LIN28B: variants seen among roughly 807,000 people sequenced by gnomAD.
LIN28B encodes the protein lin-28 RNA binding posttranscriptional regulator B.
In LIN28B, 5 loss-of-function variants were observed where a neutral mutation model predicts 21.9. The observed-to-expected ratio is 0.23, with a 90% CI of 0.12 to 0.48. The LOEUF (loss-of-function observed/expected upper bound fraction) is 0.48. LIN28B is among the 20% of genes least tolerant of loss of function. The pLI, the probability that LIN28B is intolerant of heterozygous loss-of-function variation, is 0.98. For synonymous variants in LIN28B, 109 were observed against 111.3 expected, an observed-to-expected ratio of 0.98 and a Z score of 0.13; for missense variants, 245 against 310.5, an observed-to-expected ratio of 0.79 and a Z score of 1.58.
intron 2 of LIN28B, among the ~76,000 whole-genome samples, chr6:105,001,672 G>A (rs1770723851): frequency 6.6e-6 from 1 of 152,054 alleles, no homozygotes. Context: ...AAATGAGTAG[G>A]GAAGACAAGG....
chr6:104,953,530 G>T (rs1778247053), upstream of LIN28B, among the ~76,000 whole-genome samples: 1 of 152,342 alleles, frequency 6.6e-6, no homozygotes, highest in African/African-American at 2.4e-5. Context: ...GGGACAAGAT[G>T]ACAAATGTAA....
At chr6:104,956,288 AT>A (rs1441649890), upstream of LIN28B, among the ~76,000 whole-genome samples, 1 of 151,870 alleles carries the variant, frequency 6.6e-6, no homozygotes, top group Non-Finnish European at 1.5e-5. Context: ...ATCGCCACTG[AT>A]TGAGGTTCAC....
At chr6:104,969,921 A>G (rs1289912815) in intron 2 of LIN28B, among the ~76,000 whole-genome samples, 1 of 152,182 alleles carries the variant, frequency 6.6e-6, no homozygotes, top group East Asian at 1.9e-4. Context: ...AACACAAAAC[A>G]CTTTGTTCTT....
intron 2 of LIN28B, among the ~76,000 whole-genome samples, chr6:104,989,576 G>GTTTTT (rs34394074): frequency 2.5e-4 from 15 of 60,566 alleles, no homozygotes; most frequent in East Asian, 2.4e-3. Context: ...TTTTACTTGG[G>GTTTTT]TTTTTTTTTT....
chr6:105,006,772 A>T (rs552228553), intron 2 of LIN28B, among the ~76,000 whole-genome samples: 19 of 152,342 alleles, frequency 1.2e-4, no homozygotes, highest in Admixed American at 5.2e-4. Flanking sequence ...ACTTGCTTCC[A>T]TAAGTTTTGA....
intron 3 of LIN28B, among the ~76,000 whole-genome samples, chr6:105,028,059 C>A (rs143925713): frequency 3.4e-4 from 52 of 152,286 alleles, no homozygotes; most frequent in African/African-American, 1.2e-3. Context: ...TACCTGCATA[C>A]ATACTTAAAT....
chr6:105,029,926 G>A lies in LIN28B; in HGVS notation c.383+3444G>A, dbSNP rs116116780. Among the ~76,000 whole-genome samples the A allele has an allele frequency of 7.0e-3, 1,061 of 152,266 alleles. 10 individuals are homozygous for A. The highest frequency in any genetic ancestry group is 0.024 in the African/African-American group (979 of 41,548). The stretch of plus-strand genomic sequence containing the variant: ...TGAAAAGGTGGTAAGTAAACACATG[G>A]GGTGTGGGTTGCAGTGGAGTCAAAG... On this transcript the variant is annotated intron_variant, in intron 3 of 3. Coordinates refer to ENST00000345080, the MANE Select transcript of LIN28B (RefSeq NM_001004317.4).
At chr6:105,077,798 T>C (rs1772464421) in intron 3 of LIN28B, among the ~76,000 whole-genome samples, 1 of 152,218 alleles carries the variant, frequency 6.6e-6, no homozygotes, top group South Asian at 2.1e-4. Context: ...TTGCCAGATA[T>C]CATCCTGACT....
At chr6:104,979,552 A>G (rs1355698236) in intron 2 of LIN28B, among the ~76,000 whole-genome samples, 2 of 152,152 alleles carry the variant, frequency 1.3e-5, no homozygotes, top group Admixed American at 1.3e-4. Context: ...ACTCAGAGAT[A>G]ACCACTGCTT....
chr6:104,958,043 T>C, intron 1 of LIN28B, 56 bp from the exon 2 acceptor site: 1 of 1,256,166 alleles, frequency 8.0e-7, no homozygotes, highest in Non-Finnish European at 1.0e-6. Flanking sequence ...TTTTTAATCT[T>C]TGAATGCACA....
chr6:104,997,573 C>A, intron 2 of LIN28B, among the ~76,000 whole-genome samples: 1 of 145,932 alleles, frequency 6.9e-6, no homozygotes, highest in South Asian at 2.2e-4. Flanking sequence ...CACGTTATTT[C>A]TATGAGATAG....
intron 3 of LIN28B, among the ~76,000 whole-genome samples, chr6:105,068,523 C>T (rs534027939): frequency 5.9e-5 from 9 of 152,106 alleles, no homozygotes; most frequent in Non-Finnish European, 8.8e-5. Flanking sequence ...GCCAGCAGTT[C>T]AGAGTTTGAA....
chr6:105,036,241 G>A (rs1771519164), intron 3 of LIN28B, among the ~76,000 whole-genome samples: 3 of 152,096 alleles, frequency 2.0e-5, no homozygotes, highest in Admixed American at 2.0e-4. Context: ...GGACAGCTGT[G>A]AATTTGCATC....
chr6:105,025,572 ACT>A (rs1224059295), intron 2 of LIN28B, among the ~76,000 whole-genome samples: 3 of 152,014 alleles, frequency 2.0e-5, no homozygotes, highest in African/African-American at 7.2e-5. Context: ...GGAGAAAACG[ACT>A]CTTTAGTGTC....
chr6:105,031,955 C>T (rs1771434207), intron 3 of LIN28B, among the ~76,000 whole-genome samples: 1 of 152,168 alleles, frequency 6.6e-6, no homozygotes. Context: ...CCTATAACCC[C>T]TGGCAGCCTC....
chr6:104,949,607 CTTAG>C (rs1778196785), intron 2 of LIN28B, among the ~76,000 whole-genome samples: 2 of 152,278 alleles, frequency 1.3e-5, no homozygotes, highest in South Asian at 2.1e-4. Context: ...GTGTGTAAAA[CTTAG>C]TTAAGGAAAG....
intron 3 of LIN28B, among the ~76,000 whole-genome samples, chr6:105,077,162 A>G (rs1270239434): frequency 6.6e-6 from 1 of 152,030 alleles, no homozygotes; most frequent in Non-Finnish European, 1.5e-5. Context: ...TCCGGGAGGC[A>G]GAGGTTGCAG....
chr6:105,038,205 C>T (rs989275442), intron 3 of LIN28B, among the ~76,000 whole-genome samples: 16 of 152,092 alleles, frequency 1.1e-4, no homozygotes, highest in Admixed American at 3.9e-4. Flanking sequence ...AGACCTTATA[C>T]GTTATGTGGG....
chr6:105,025,658 T>A (rs1221685093), intron 2 of LIN28B, among the ~76,000 whole-genome samples: 1 of 152,188 alleles, frequency 6.6e-6, no homozygotes, highest in Admixed American at 6.5e-5. Flanking sequence ...TGCATGTGCC[T>A]GTTATCTCAG....
Sources: allele counts gnomAD v4.1 joint callset (sites outside exome capture counted in the v4.1 genomes callset), GRCh38; gene constraint gnomAD v4.1.1; transcripts MANE v1.5; gene names NCBI Gene and HGNC (gene_info 2026-07-23, HGNC 2026-07-21).